The following KIAA1217 variants were observed in gnomAD, a reference collection of about 807,000 sequenced individuals.
KIAA1217 encodes sickle tail protein homolog.
Under a neutral mutation model 163.9 loss-of-function variants are expected in KIAA1217, and 88 were observed. The ratio of observed to expected loss-of-function variants is 0.54; its 90% CI spans 0.45 to 0.64. The LOEUF (loss-of-function observed/expected upper bound fraction) is 0.64, where lower values mean the gene tolerates loss of function less well. KIAA1217 is among the 30% of genes least tolerant of loss of function. The pLI is 0.00. For synonymous variants in KIAA1217, 903 were observed against 923.1 expected (o/e 0.98, Z 0.39); for missense variants, 2,372 against 2,475.0 (o/e 0.96, Z 0.88).
At chr10:24,134,661 A>G (rs906687846) in intron 2 of KIAA1217, among the ~76,000 whole-genome samples, 5 of 151,932 alleles carry the variant, frequency 3.3e-5, no homozygotes, top group African/African-American at 9.7e-5. Context: ...GCAGCCTCGA[A>G]CCCCTGGGCT....
intron 2 of KIAA1217, among the ~76,000 whole-genome samples, chr10:24,230,249 A>G (rs2071185680): frequency 6.6e-6 from 1 of 152,158 alleles, no homozygotes; most frequent in Non-Finnish European, 1.5e-5. Flanking sequence ...GGGACCAGAA[A>G]TATTTCAGAT....
intron 1 of KIAA1217, among the ~76,000 whole-genome samples, chr10:23,697,116 A>G (rs967174912): frequency 1.3e-5 from 2 of 152,178 alleles, no homozygotes; most frequent in African/African-American, 4.8e-5. Context: ...GCATCTCTGA[A>G]CACTTAGATT....
chr10:23,869,327 T>G (rs1840351483), intron 1 of KIAA1217, among the ~76,000 whole-genome samples: 1 of 151,884 alleles, frequency 6.6e-6, no homozygotes, highest in Non-Finnish European at 1.5e-5. Context: ...GAATAACATA[T>G]TAGGTCTCCG....
At chr10:24,126,148 A>G (rs2063465393) in intron 2 of KIAA1217, among the ~76,000 whole-genome samples, 1 of 152,192 alleles carries the variant, frequency 6.6e-6, no homozygotes, top group Non-Finnish European at 1.5e-5. Context: ...TCAGAAATTT[A>G]TATTAAACGT....
chr10:24,273,043 A>T (rs1396591125), intron 2 of KIAA1217, among the ~76,000 whole-genome samples: 2 of 152,216 alleles, frequency 1.3e-5, no homozygotes, highest in African/African-American at 4.8e-5. Context: ...AGCCTTTAAG[A>T]AGAAGAAAAT....
intron 1 of KIAA1217, among the ~76,000 whole-genome samples, chr10:23,822,375 T>A (rs572663317): frequency 6.6e-6 from 1 of 152,342 alleles, no homozygotes; most frequent in South Asian, 2.1e-4. Flanking sequence ...AAACAAGACA[T>A]AAACTTTATT....
intron 2 of KIAA1217, among the ~76,000 whole-genome samples, chr10:24,119,077 A>G (rs1337087381): frequency 1.3e-5 from 2 of 152,198 alleles, no homozygotes; most frequent in Non-Finnish European, 2.9e-5. Context: ...AAGATGAGAT[A>G]CTGAGTTTTC....
rs867182577 is a variant in KIAA1217 at position 24,543,851 on chromosome 10, C to T, written c.4581C>T (p.Ala1527=). 4 of 1,613,982 alleles carry T rather than the reference C, an allele frequency of 2.5e-6. No homozygotes were observed. Among genetic ancestry groups the T allele is most frequent in the South Asian group, 2.2e-5 (2 of 91,042 alleles). ...VETKSQPHSL[A]TETRNPGGQE... ...CAAAGTCACAGCCACACTCCCTGGC[C>T]ACAGAGACCAGAAACCCAGGAGGAC... The change falls in exon 19 of 21, where the codon GCC becomes GCT. Residue 1527 remains alanine (A), a synonymous_variant. Coordinates refer to ENST00000376454, the MANE Select transcript of KIAA1217 (RefSeq NM_019590.5).
At chr10:24,505,956 C>T (rs904377515) in intron 9 of KIAA1217, among the ~76,000 whole-genome samples, 8 of 151,996 alleles carry the variant, frequency 5.3e-5, no homozygotes, top group Non-Finnish European at 1.0e-4. Flanking sequence ...ATGCGGATCC[C>T]TGAGAACAGC....
chr10:24,231,506 A>G (rs1287255896), intron 2 of KIAA1217, among the ~76,000 whole-genome samples: 1 of 152,156 alleles, frequency 6.6e-6, no homozygotes, highest in Non-Finnish European at 1.5e-5. Flanking sequence ...TTAATGGAAT[A>G]CTGGAGGCCC....
intron 1 of KIAA1217, among the ~76,000 whole-genome samples, chr10:23,783,098 C>G (rs543350396): frequency 1.3e-5 from 2 of 152,226 alleles, no homozygotes; most frequent in Admixed American, 6.5e-5. Context: ...TCAGGGTTTT[C>G]CAATCTTTTG....
intron 2 of KIAA1217, among the ~76,000 whole-genome samples, chr10:24,137,461 A>G (rs1405806320): frequency 6.6e-6 from 1 of 152,228 alleles, no homozygotes; most frequent in East Asian, 1.9e-4. Context: ...TGCTGCACCA[A>G]CACTCTTTGG....
intron 2 of KIAA1217, among the ~76,000 whole-genome samples, chr10:24,316,367 C>T (rs1564459424): frequency 6.6e-6 from 1 of 152,166 alleles, no homozygotes; most frequent in Non-Finnish European, 1.5e-5. Flanking sequence ...GTGTGACTTT[C>T]AATTTTAAAA....
chr10:24,538,488 G>A (rs1198904302), intron 17 of KIAA1217, among the ~76,000 whole-genome samples: 1 of 147,956 alleles, frequency 6.8e-6, no homozygotes, highest in African/African-American at 2.5e-5. Context: ...GACCAGCCTG[G>A]GCAACATAGT....
chr10:24,536,726 C>T (rs757303523), intron 16 of KIAA1217, 48 bp from the exon 17 acceptor site: 23 of 1,600,410 alleles, frequency 1.4e-5, no homozygotes, highest in Admixed American at 1.7e-5. Context: ...CCTCCATTCT[C>T]CTCAGTACCC....
At chr10:24,467,672 C>T (rs1183098108) in intron 5 of KIAA1217, among the ~76,000 whole-genome samples, 1 of 151,940 alleles carries the variant, frequency 6.6e-6, no homozygotes, top group African/African-American at 2.4e-5. Flanking sequence ...GTCAATGGTA[C>T]AACATAGCTA....
chr10:24,210,715 A>G (rs1181989881), intron 1 of KIAA1217, among the ~76,000 whole-genome samples: 1 of 152,184 alleles, frequency 6.6e-6, no homozygotes, highest in African/African-American at 2.4e-5. Flanking sequence ...TGTAGACGTC[A>G]CTGTTTTAGC....
At chr10:24,081,213 G>A (rs1483774866) in intron 2 of KIAA1217, among the ~76,000 whole-genome samples, 1 of 152,160 alleles carries the variant, frequency 6.6e-6, no homozygotes, top group East Asian at 1.9e-4. Context: ...TTCTTCTGAT[G>A]TTTACTTGCT....
At chr10:24,430,346 G>A (rs534082596) in intron 3 of KIAA1217, among the ~76,000 whole-genome samples, 1 of 152,248 alleles carries the variant, frequency 6.6e-6, no homozygotes, top group East Asian at 1.9e-4. Flanking sequence ...GGATGTGATG[G>A]GTGGCTACCT....
Sources: gnomAD v4.1 joint callset for allele counts (sites outside exome capture counted in the v4.1 genomes callset) on GRCh38, gnomAD v4.1.1 for gene constraint, MANE v1.5 for transcripts, NCBI Gene and HGNC (gene_info 2026-07-23, HGNC 2026-07-21) for gene names.